The following IKZF1 variants were observed in gnomAD, a reference collection of about 807,000 sequenced individuals.
IKZF1 encodes DNA-binding protein Ikaros.
In IKZF1, 10 loss-of-function variants were observed where a neutral mutation model predicts 51.7. The ratio of observed to expected loss-of-function variants is 0.19; its 90% confidence interval spans 0.12 to 0.33. IKZF1 has a LOEUF of 0.33. Among genes scored for constraint, IKZF1 ranks in the 10% least tolerant of loss-of-function variants. The pLI is 1.00. For synonymous variants in IKZF1, 280 were observed against 282.3 expected (o/e 0.99, Z 0.08); for missense variants, 484 against 707.5 (o/e 0.68, Z 3.58).
In IKZF1 at chr7:50,400,184, C is replaced by A. The variant is rs1213485838; in HGVS notation, c.1117C>A (p.Leu373Met). 6.4e-7 allele frequency: 1 copy of A among 1,570,854 alleles called. No homozygotes were observed. Residue 373 changes from leucine (L) to methionine (M), a missense_variant, in exon 8 of 8, where the codon CTG (leucine) becomes ATG (methionine). Physicochemically the swap from Leu to Met is conservative, Grantham distance 15 (BLOSUM62 2). Transcript: ENST00000331340. This position sits in a 1 kb window ranked among gnomAD's most constrained non-coding sequence, Gnocchi z 5.4. ...HSAQDSAVEN[L>M]LLLSKAKLVP... ...GGCCCAGGACAGCGCCGTGGAGAAC[C>A]TGCTGCTGCTCTCCAAGGCCAAGTT...
At chr7:50,380,453 T>C (rs905816494) in intron 4 of IKZF1, among the ~76,000 whole-genome samples, 4 of 152,162 alleles carry the variant, frequency 2.6e-5, no homozygotes, top group Admixed American at 1.3e-4. Context: ...CCTGTAGCCC[T>C]CCAGACCTGG....
At chr7:50,303,951 C>G (rs1788153184), upstream of IKZF1, 1 of 144,840 alleles carries the variant, frequency 6.9e-6, no homozygotes, top group African/African-American at 2.5e-5. The surrounding 1 kb of genome is among the most constrained non-coding windows in gnomAD (Gnocchi z 4.7). Context: ...GGACACAGCG[C>G]CGGCCGCCGC....
intron 1 of IKZF1, chr7:50,318,393 C>T (rs201427143): frequency 1.0e-4 from 23 of 229,342 alleles, no homozygotes; most frequent in East Asian, 8.7e-4. Context: ...GTTTTGCTGC[C>T]GTAGTGAGCG....
At chr7:50,364,258 GTTTGTGGGTA>G (rs1166299467) in intron 3 of IKZF1, among the ~76,000 whole-genome samples, 6 of 152,180 alleles carry the variant, frequency 3.9e-5, no homozygotes, top group Admixed American at 1.3e-4. Flanking sequence ...GAAAAGTGTG[GTTTGTGGGTA>G]TTTCATTTTT....
intron 6 of IKZF1, among the ~76,000 whole-genome samples, chr7:50,391,419 T>A (rs924858194): frequency 6.6e-6 from 1 of 152,218 alleles, no homozygotes; most frequent in Non-Finnish European, 1.5e-5. Flanking sequence ...AAAGGACTTG[T>A]CAAAGGGACA....
chr7:50,389,268 A>T (rs967164087), intron 6 of IKZF1, among the ~76,000 whole-genome samples: 1 of 152,216 alleles, frequency 6.6e-6, no homozygotes, highest in African/African-American at 2.4e-5. Flanking sequence ...GAGCCTAGAC[A>T]TGTGTCAGGT....
At chr7:50,324,084 T>C (rs546976124) in intron 2 of IKZF1, among the ~76,000 whole-genome samples, 89 of 152,368 alleles carry the variant, frequency 5.8e-4, no homozygotes, top group Middle Eastern at 3.4e-3. Context: ...ATTTATTTTT[T>C]AGTGTTTTAT....
chr7:50,334,175 A>G (rs1048812199), intron 3 of IKZF1, among the ~76,000 whole-genome samples: 1 of 152,256 alleles, frequency 6.6e-6, no homozygotes, highest in Non-Finnish European at 1.5e-5. Flanking sequence ...ACTTCATGAC[A>G]GTTTTGATTT....
At chr7:50,355,249 T>G (rs1377053911) in intron 3 of IKZF1, among the ~76,000 whole-genome samples, 1 of 152,116 alleles carries the variant, frequency 6.6e-6, no homozygotes, top group Non-Finnish European at 1.5e-5. Context: ...TATCAGGAAG[T>G]TCTGGATTTA....
intron 3 of IKZF1, among the ~76,000 whole-genome samples, chr7:50,350,806 A>G (rs980544150): frequency 6.6e-5 from 10 of 152,310 alleles, no homozygotes; most frequent in Admixed American, 2.6e-4. Flanking sequence ...TGTGAAAGAA[A>G]TAGCAGAGCA....
chr7:50,319,075 A>C lies in IKZF1; in HGVS notation c.14A>C (p.Glu5Ala). 1 of 1,613,512 alleles carries C rather than the reference A, an allele frequency of 6.2e-7. No individual in the cohort carries two copies. Among genetic ancestry groups the C allele is most frequent in the Non-Finnish European group, 8.5e-7 (1 of 1,179,478 alleles). The stretch of plus-strand genomic sequence containing the variant: ...AACCTGAGGACCATGGATGCTGATG[A>C]GGGTCAAGACATGTCCCAAGTTTCA... MDADEGQDMSQVSGK... is the reference protein window; with the variant it reads MDADAGQDMSQVSGK... Residue 5 changes from glutamate (E) to alanine (A), a missense_variant, in exon 2 of 8, where the codon GAG becomes GCG. This residue lies in a region of IKZF1 where 118 missense variants were observed against 138.4 expected (regional missense o/e 0.85). Transcript: ENST00000331340.
At chr7:50,306,305 G>T (rs753403295) in intron 1 of IKZF1, among the ~76,000 whole-genome samples, 1 of 151,652 alleles carries the variant, frequency 6.6e-6, no homozygotes, top group East Asian at 1.9e-4. Flanking sequence ...TTTTTTACAT[G>T]AAAAAAAACG....
At chr7:50,318,517 A>G (rs1356399867) in intron 1 of IKZF1, 1 of 225,828 alleles carries the variant, frequency 4.4e-6, no homozygotes, top group African/African-American at 2.2e-5. Flanking sequence ...AGGTGTATTC[A>G]TTATTGATGG....
At chr7:50,334,488 TG>T (rs1171840273) in intron 3 of IKZF1, among the ~76,000 whole-genome samples, 1 of 151,906 alleles carries the variant, frequency 6.6e-6, no homozygotes, top group Non-Finnish European at 1.5e-5. Context: ...GTGTGTCATA[TG>T]TTTGTGTGTG....
At chr7:50,366,200 C>T (rs549717285) in intron 3 of IKZF1, among the ~76,000 whole-genome samples, 6 of 152,194 alleles carry the variant, frequency 3.9e-5, no homozygotes, top group South Asian at 2.1e-4. Context: ...AACAAACCCC[C>T]ATGACATGAG....
intron 3 of IKZF1, among the ~76,000 whole-genome samples, chr7:50,355,893 G>A (rs117930667): frequency 0.022 from 3,346 of 152,322 alleles, 50 homozygotes; most frequent in Middle Eastern, 0.051. Flanking sequence ...TGCCCCTCCT[G>A]CCACATGCCT....
intron 5 of IKZF1, among the ~76,000 whole-genome samples, chr7:50,384,552 C>T (rs1368897513): frequency 1.3e-5 from 2 of 152,204 alleles, no homozygotes; most frequent in East Asian, 1.9e-4. Flanking sequence ...CAGGTGGTTC[C>T]CCTGAGATAG....
At chr7:50,357,955 C>T (rs1338387537) in intron 3 of IKZF1, among the ~76,000 whole-genome samples, 1 of 152,154 alleles carries the variant, frequency 6.6e-6, no homozygotes, top group Non-Finnish European at 1.5e-5. Flanking sequence ...TGATATTTTT[C>T]TCACAGGGCT....
chr7:50,373,924 G>A (rs1809481926), intron 3 of IKZF1, among the ~76,000 whole-genome samples: 1 of 152,198 alleles, frequency 6.6e-6, no homozygotes, highest in Admixed American at 6.5e-5. Flanking sequence ...GGAGAGGTTA[G>A]CAGGAGGCTG....
Sources: allele counts gnomAD v4.1 joint callset (sites outside exome capture counted in the v4.1 genomes callset), GRCh38; gene constraint gnomAD v4.1.1; regional missense constraint gnomAD v4.1.1; non-coding constraint Gnocchi (gnomAD v3.1); transcripts MANE v1.5; gene names NCBI Gene and HGNC (gene_info 2026-07-23, HGNC 2026-07-21).